The following GNPTAB variants were observed in gnomAD, a reference collection of about 807,000 sequenced individuals.
GNPTAB encodes N-acetylglucosamine-1-phosphotransferase subunits alpha/beta.
Under a neutral mutation model 136.6 loss-of-function variants are expected in GNPTAB, and 92 were observed. The observed-to-expected ratio is 0.67, with a 90% CI of 0.57 to 0.80. The LOEUF (loss-of-function observed/expected upper bound fraction) is 0.80. Ranked by LOEUF, GNPTAB falls within the 30% of genes least tolerant of loss-of-function variation. The pLI is 0.00. For synonymous variants in GNPTAB, 512 were observed against 535.1 expected, an observed-to-expected ratio of 0.96 and a Z score of 0.60; for missense variants, 1,343 against 1,501.8, an observed-to-expected ratio of 0.89 and a Z score of 1.75.
At chr12:101,792,255 G>A (rs1260738292) in intron 2 of GNPTAB, among the ~76,000 whole-genome samples, 2 of 152,194 alleles carry the variant, frequency 1.3e-5, no homozygotes, top group South Asian at 2.1e-4. Flanking sequence ...TGAGGCAGGC[G>A]CCTATCTTGC....
In GNPTAB at chr12:101,771,163, A is replaced by G. The variant is rs1478677203; in HGVS notation, c.772-6T>C. ...GCCTCTGAATACAACTGCAACTATC[A>G]AATAACAAGAGGATTACACATGAAA... On this transcript the variant is annotated splice_polypyrimidine_tract_variant and splice_region_variant and intron_variant, in intron 7 of 20. Coordinates refer to ENST00000299314, the MANE Select transcript of GNPTAB (RefSeq NM_024312.5). 6.2e-7 allele frequency: 1 copy of G among 1,611,544 alleles called. No individual in the cohort carries two copies. The highest frequency in any genetic ancestry group is 8.5e-7 in the Non-Finnish European group (1 of 1,177,666).
intron 7 of GNPTAB, among the ~76,000 whole-genome samples, chr12:101,775,824 G>C (rs768020666): frequency 2.6e-5 from 4 of 152,116 alleles, no homozygotes; most frequent in Non-Finnish European, 5.9e-5. Context: ...CTAAAAGAAA[G>C]GGCATTAGTA....
intron 10 of GNPTAB, among the ~76,000 whole-genome samples, chr12:101,769,664 C>T (rs1172888570): frequency 6.6e-6 from 1 of 152,120 alleles, no homozygotes; most frequent in Non-Finnish European, 1.5e-5. Flanking sequence ...GGCACAATCA[C>T]AGCTCACTGC....
chr12:101,786,218 C>T lies in GNPTAB; in HGVS notation c.366-1G>A. On this transcript the variant is annotated splice_acceptor_variant, in intron 4 of 20. Transcript: ENST00000299314. LOFTEE classifies it high-confidence loss of function. The stretch of plus-strand genomic sequence containing the variant: ...TAGCAAACACTCTAACTGCTTCTCA[C>T]TGGAAAGAAACACCAACATGCTTAC... 6.2e-7 allele frequency: 1 copy of T among 1,610,240 alleles called. No individual in the cohort carries two copies. The highest frequency in any genetic ancestry group is 8.5e-7 in the Non-Finnish European group (1 of 1,177,340).
At chr12:101,773,362 C>A in intron 7 of GNPTAB, 1 of 301,796 alleles carries the variant, frequency 3.3e-6, no homozygotes. Flanking sequence ...GCAGAATGCT[C>A]GGATCCTGCT....
In GNPTAB at chr12:101,768,091, A is replaced by T. The variant is rs780485377; in HGVS notation, c.1354T>A (p.Cys452Ser). 6.2e-7 allele frequency: 1 copy of T among 1,614,172 alleles called. No homozygotes were observed. Among genetic ancestry groups the T allele is most frequent in the Non-Finnish European group, 8.5e-7 (1 of 1,179,974 alleles). The change falls in exon 11 of 21, where the codon TGT (cysteine) becomes AGT (serine). Residue 452 changes from cysteine (C) to serine (S), a missense_variant. By Grantham distance (112) the Cys-to-Ser change is moderately radical. Coordinates refer to ENST00000299314, the MANE Select transcript of GNPTAB (RefSeq NM_024312.5). Reference sequence around the variant, plus strand: ...GCTGAATTATTACAAGCCTTGTCACAATAGCCATCCTTAATCCAGGAACCT... The same window carrying T: ...GCTGAATTATTACAAGCCTTGTCACTATAGCCATCCTTAATCCAGGAACCT... The part of the protein sequence containing the change: ...CPGSWIKDGY[C>S]DKACNNSACD...
intron 1 of GNPTAB, among the ~76,000 whole-genome samples, chr12:101,818,016 C>T (rs995871728): frequency 6.6e-6 from 1 of 152,186 alleles, no homozygotes; most frequent in Non-Finnish European, 1.5e-5. Flanking sequence ...TCCTTAGTAC[C>T]ACCCAGCAGG....
chr12:101,824,323 G>A (rs1241587586), intron 1 of GNPTAB, among the ~76,000 whole-genome samples: 1 of 147,204 alleles, frequency 6.8e-6, no homozygotes, highest in East Asian at 2.0e-4. Flanking sequence ...AGAGGGGAAG[G>A]CAGAGGTGAG....
In GNPTAB at chr12:101,764,873, C is replaced by T. The variant is rs1366214878; in HGVS notation, c.2044G>A (p.Asp682Asn). 6.2e-6 allele frequency: 10 copies of T among 1,614,032 alleles called. No homozygotes were observed. The highest frequency in any genetic ancestry group is 8.5e-6 in the Non-Finnish European group (10 of 1,180,034). Reference sequence around the variant, plus strand: ...TGGGCTCTCCTTGTTGAGTTAACATCATGTCTCTTAAACTTCGGGAAGCGT... The same window carrying T: ...TGGGCTCTCCTTGTTGAGTTAACATTATGTCTCTTAAACTTCGGGAAGCGT... ...EKRFPKFKRH[D>N]VNSTRRAQEE... The change falls in exon 13 of 21, where the codon GAT (aspartate) becomes AAT (asparagine). Residue 682 changes from aspartate to asparagine, a missense_variant. Physicochemically the swap from Asp to Asn is conservative, Grantham distance 23. Coordinates refer to ENST00000299314, the MANE Select transcript of GNPTAB (RefSeq NM_024312.5).
At chr12:101,807,548 G>A (rs1490418510) in intron 1 of GNPTAB, among the ~76,000 whole-genome samples, 1 of 152,138 alleles carries the variant, frequency 6.6e-6, no homozygotes, top group African/African-American at 2.4e-5. Context: ...CCGATGACAT[G>A]ACTGTCTATG....
chr12:101,784,674 CAT>C (rs1868530467), intron 5 of GNPTAB, among the ~76,000 whole-genome samples: 1 of 130,512 alleles, frequency 7.7e-6, no homozygotes, highest in Non-Finnish European at 1.5e-5. Flanking sequence ...ACCTAAGAAT[CAT>C]GTGGAAAAAA....
intron 1 of GNPTAB, among the ~76,000 whole-genome samples, chr12:101,820,730 C>T (rs1382738688): frequency 1.3e-5 from 2 of 152,080 alleles, no homozygotes; most frequent in Admixed American, 6.6e-5. Context: ...CAATTCTTAC[C>T]CTCTACGGTT....
chr12:101,819,392 A>G (rs1870687825), intron 1 of GNPTAB, among the ~76,000 whole-genome samples: 1 of 152,218 alleles, frequency 6.6e-6, no homozygotes, highest in South Asian at 2.1e-4. Flanking sequence ...ACACTGGCCC[A>G]AAGTGAACAC....
In GNPTAB at chr12:101,792,789, AT is replaced by A. The variant is rs1157930423; in HGVS notation, c.204-2733del. Among the ~76,000 whole-genome samples the A allele has an allele frequency of 2.6e-4, 39 of 152,256 alleles. 1 individual carries two copies. Among genetic ancestry groups the A allele is most frequent in the Admixed American group, 2.5e-3 (38 of 15,292 alleles). ...TAGATGGAGTATCTCTAGGGCAGAA[AT>A]GTTATCATGCATTCTGTGCCCTGCT... On this transcript the variant is annotated intron_variant, in intron 2 of 20. Coordinates refer to ENST00000299314, the MANE Select transcript of GNPTAB (RefSeq NM_024312.5).
intron 1 of GNPTAB, among the ~76,000 whole-genome samples, chr12:101,815,775 A>C (rs190653938): frequency 1.9e-4 from 29 of 152,386 alleles, no homozygotes; most frequent in Non-Finnish European, 3.7e-4. Context: ...AGCTTGAGGC[A>C]TCACACTACC....
intron 1 of GNPTAB, among the ~76,000 whole-genome samples, chr12:101,801,502 T>C (rs1026943667): frequency 1.7e-5 from 2 of 119,532 alleles, no homozygotes; most frequent in African/African-American, 6.5e-5. Flanking sequence ...ACTGTGCCAC[T>C]GCACTCTAGC....
chr12:101,763,761 C>A (rs1953037843), intron 13 of GNPTAB, among the ~76,000 whole-genome samples: 1 of 152,204 alleles, frequency 6.6e-6, no homozygotes, highest in African/African-American at 2.4e-5. Context: ...AGCCATGGTA[C>A]AGGGCAACGA....
chr12:101,770,523 T>C lies in GNPTAB; in HGVS notation c.996A>G (p.Ser332=). The change falls in exon 9 of 21, where the codon TCA becomes TCG. Residue 332 remains serine, a synonymous_variant. Transcript: ENST00000299314. The part of the protein sequence containing the change: ...RFEDNEELRY[S]LRSIERHAPW... Reference sequence around the variant, plus strand: ...GTGCATGCCTCTCGATAGATCGCAATGAGTACCTCAGTTCTTCGTTATCTT... The same window carrying C: ...GTGCATGCCTCTCGATAGATCGCAACGAGTACCTCAGTTCTTCGTTATCTT... 6.2e-7 allele frequency: 1 copy of C among 1,613,502 alleles called. No individual in the cohort carries two copies. The highest frequency in any genetic ancestry group is 2.2e-5 in the East Asian group (1 of 44,878).
rs1952744232 is a variant in GNPTAB, at chr12:101,747,042, A to C, written c.*122T>G. 1.4e-6 allele frequency: 1 copy of C among 712,952 alleles called. No individual in the cohort carries two copies. The highest frequency in any genetic ancestry group is 2.6e-6 in the Non-Finnish European group (1 of 385,784). 44.2% of individuals were successfully genotyped at this position (712,952 alleles called of 1,614,324 possible). ...TATTCATGCCACAAAACAGCATGGT[A>C]CTGGATATTTTCCTTCTTCGGGCCA... On this transcript the variant is annotated 3_prime_UTR_variant, in exon 21 of 21. Transcript: ENST00000299314.
Sources: gnomAD v4.1 joint callset for allele counts (sites outside exome capture counted in the v4.1 genomes callset) on GRCh38, gnomAD v4.1.1 for gene constraint, MANE v1.5 for transcripts, NCBI Gene and HGNC (gene_info 2026-07-23, HGNC 2026-07-21) for gene names.